Variants in MTM1 observed in about 807,000 individuals in gnomAD.
MTM1 encodes myotubularin 1.
Under a neutral mutation model 52.1 loss-of-function variants are expected in MTM1, and 9 were observed. That is an observed-to-expected ratio of 0.17 (90% confidence interval 0.10 to 0.30). The LOEUF (loss-of-function observed/expected upper bound fraction) is 0.30. MTM1 is among the 10% of genes least tolerant of loss of function. The pLI is 1.00. For synonymous variants in MTM1, 136 were observed against 163.8 expected, an observed-to-expected ratio of 0.83 and a Z score of 1.29; for missense variants, 277 against 470.7, an observed-to-expected ratio of 0.59 and a Z score of 3.81.
At chrX:150,564,785 T>C (rs2148387251), upstream of MTM1, among the ~76,000 whole-genome samples, 1 of 112,275 alleles carries the variant, frequency 8.9e-6, no homozygotes, top group African/African-American at 3.2e-5. Flanking sequence ...ATAGTATTGC[T>C]CGGCCATATG....
At chrX:150,640,255 T>C (rs1167049291) in intron 7 of MTM1, among the ~76,000 whole-genome samples, 4 of 112,378 alleles carry the variant, frequency 3.6e-5, no homozygotes, top group Admixed American at 1.9e-4. Flanking sequence ...TCAAAGCTTC[T>C]AGCTTGAAAC....
upstream of MTM1, chrX:150,568,565 C>G (rs997664492): frequency 5.3e-5 from 6 of 113,340 alleles, no homozygotes; most frequent in Middle Eastern, 4.7e-3. Flanking sequence ...GGGCGGTGGC[C>G]GGGGGCGGGC....
chrX:150,635,026 C>G (rs2039732229), intron 6 of MTM1, among the ~76,000 whole-genome samples: 1 of 110,749 alleles, frequency 9.0e-6, no homozygotes. Context: ...AGGGGTGAGG[C>G]AGGGCACAGG....
At chrX:150,589,925 A>C (rs1457119087) in intron 1 of MTM1, among the ~76,000 whole-genome samples, 1 of 111,401 alleles carries the variant, frequency 9.0e-6, no homozygotes, top group African/African-American at 3.3e-5. Context: ...AAAAATTAAA[A>C]ATTTTAAAAA....
rs1243594496 is a variant in MTM1 at position 150,648,064 on chromosome X, G to A, written c.868-1652G>A. Among the ~76,000 whole-genome samples, 5 of 111,827 alleles carry A rather than the reference G, an allele frequency of 4.5e-5. No homozygotes were observed. In the South Asian group the frequency reaches 1.5e-3, roughly 34 times the overall value. On this transcript the variant is annotated intron_variant, in intron 9 of 14. Coordinates refer to ENST00000370396, the MANE Select transcript of MTM1 (RefSeq NM_000252.3). ...TGTAGAGAAGCAGGAAGAGGAGAAA[G>A]TGGCCCACTTAAATAATAAATTGCT...
At chrX:150,565,588 C>T (rs1228461780), upstream of MTM1, among the ~76,000 whole-genome samples, 5 of 110,896 alleles carry the variant, frequency 4.5e-5, no homozygotes, top group Middle Eastern at 9.1e-3. Context: ...AGGAAACAGG[C>T]CATTTCCTCG....
chrX:150,594,552 C>A (rs141571376), intron 2 of MTM1, among the ~76,000 whole-genome samples: 5 of 112,003 alleles, frequency 4.5e-5, no homozygotes, highest in African/African-American at 1.6e-4. Context: ...ATATATCAAT[C>A]TATATTTTCT....
Position 150,619,103 on chromosome X carries a change from C to G in MTM1, c.408C>G (p.Ile136Met), listed in dbSNP as rs781852283. The change falls in exon 6 of 15, where the codon ATC (isoleucine) becomes ATG (methionine). Residue 136 changes from isoleucine (I) to methionine (M), a missense_variant. Transcript: ENST00000370396. ...ACAGCAGAAGAGATATGTTTGAGAT[C>G]CTCACGAGATACGCGTTTCCCCTGG... ...EGHSRRDMFE[I>M]LTRYAFPLAH... The G allele has an allele frequency of 1.7e-6, 2 of 1,209,296 alleles. No homozygotes were observed. The highest frequency in any genetic ancestry group is 3.5e-5 in the South Asian group (2 of 56,906).
At chrX:150,609,621 CGTGTTCATCTTTCTCTAAAACCCCCTCCT>C (rs2039238431) in intron 4 of MTM1, among the ~76,000 whole-genome samples, 2 of 111,358 alleles carry the variant, frequency 1.8e-5, no homozygotes, top group Admixed American at 1.9e-4. Context: ...TAAAATCGGC[CGTGTTCATCTTTCTCTAAAACCCCCTCCT>C]GTGTTCTTCA....
At chrX:150,596,695 G>A (rs781813328) in intron 3 of MTM1, 125 bp downstream of exon 3, 11 of 525,724 alleles carry the variant, frequency 2.1e-5, no homozygotes, top group African/African-American at 6.9e-5. Context: ...GTTTAGAAGC[G>A]TTAACACAGA....
At chrX:150,598,769 A>G (rs1454626336) in intron 4 of MTM1, 83 bp downstream of exon 4, 18 of 665,614 alleles carry the variant, frequency 2.7e-5, no homozygotes, top group South Asian at 2.3e-4. Flanking sequence ...TGCAAGATTG[A>G]CTGTGGGTCA....
At chrX:150,598,058 G>A (rs2039008573) in intron 3 of MTM1, among the ~76,000 whole-genome samples, 1 of 111,824 alleles carries the variant, frequency 8.9e-6, no homozygotes, top group African/African-American at 3.2e-5. Context: ...CTGAACTCCA[G>A]CTTGGGCAAT....
chrX:150,671,938 AT>A lies in MTM1; in HGVS notation c.*344del, dbSNP rs2040403680. The A allele has an allele frequency of 4.5e-6, 1 of 222,385 alleles. No homozygotes were observed. Among genetic ancestry groups the A allele is most frequent in the Non-Finnish European group, 8.1e-6 (1 of 123,038 alleles). 18.3% of individuals were successfully genotyped at this position (222,385 alleles called of 1,213,427 possible). A position where few individuals can be genotyped will look rare whatever the true frequency, so the allele number is the denominator to read the frequency against. On this transcript the variant is annotated 3_prime_UTR_variant, in exon 15 of 15. Coordinates refer to ENST00000370396, the MANE Select transcript of MTM1 (RefSeq NM_000252.3). ...TTAATTGAAACAACATTATTTTAAA[AT>A]CAAAGGGGATATATGTTTGTGGAAT... is the stretch of plus-strand genomic sequence containing the variant.
chrX:150,571,658 C>T (rs1223908588), intron 1 of MTM1, among the ~76,000 whole-genome samples: 1 of 112,267 alleles, frequency 8.9e-6, no homozygotes, highest in Non-Finnish European at 1.9e-5. Context: ...CTTTTGGAAT[C>T]CAGTAGCTTG....
rs1569565336 is a variant in MTM1, at chrX:150,583,544, TATACATAATTTATATATA to T, written c.-10-9057_-10-9040del. Among the ~76,000 whole-genome samples, 105 of 21,864 alleles carry T rather than the reference TATACATAATTTATATATA, an allele frequency of 4.8e-3. 18 individuals are homozygous for T. Among genetic ancestry groups the T allele is most frequent in the African/African-American group, 0.035 (103 of 2,915 alleles). The allele number at this position is 21,864 out of a possible 115,157, so 19.0% of individuals were successfully genotyped here. On this transcript the variant is annotated intron_variant, in intron 1 of 14. Transcript: ENST00000370396. ...TATATTATATATAAATTATATATAT[TATACATAATTTATATATA>T]ATATATAATTTATATATAATATATA...
chrX:150,568,614 G>C (rs1557411317), upstream of MTM1: 1 of 112,934 alleles, frequency 8.9e-6, no homozygotes, highest in African/African-American at 3.2e-5. Context: ...GCGGAGCAGG[G>C]CCCGGCAGCC....
Position 150,668,916 on chromosome X carries a change from T to TA in MTM1, c.1645-2504dup, listed in dbSNP as rs200166734. Among the ~76,000 whole-genome samples the TA allele has an allele frequency of 7.3e-5, 8 of 109,287 alleles. No individual in the cohort carries two copies. The East Asian group carries it at 1.7e-3, about 24-fold the overall frequency. The allele number at this position is 109,287 out of a possible 115,157, so 94.9% of individuals were successfully genotyped here. ...TTCTTTTTTTTTCTTTTCTTTCTTC[T>TA]AAAAAAAAGGGTGGGGGGATACATG... On this transcript the variant is annotated intron_variant, in intron 14 of 14. Transcript: ENST00000370396.
upstream of MTM1, among the ~76,000 whole-genome samples, chrX:150,567,060 C>CG (rs1213844342): frequency 4.5e-5 from 5 of 110,576 alleles, no homozygotes; most frequent in African/African-American, 1.7e-4. Context: ...TCTAATTGTG[C>CG]GGGGGCCCAG....
intron 1 of MTM1, among the ~76,000 whole-genome samples, chrX:150,591,871 GTATC>G (rs2038891175): frequency 8.9e-6 from 1 of 112,553 alleles, no homozygotes; most frequent in South Asian, 3.6e-4. Flanking sequence ...GACTTTATAT[GTATC>G]TATCTGTGTC....
Sources: allele counts gnomAD v4.1 joint callset (sites outside exome capture counted in the v4.1 genomes callset), GRCh38; gene constraint gnomAD v4.1.1; transcripts MANE v1.5; gene names NCBI Gene and HGNC (gene_info 2026-07-23, HGNC 2026-07-21).